The following CTDSPL variants were observed in gnomAD, a reference collection of about 807,000 sequenced individuals.
CTDSPL encodes CTD small phosphatase-like protein.
In CTDSPL, 8 loss-of-function variants were observed where a neutral mutation model predicts 30.5. The observed-to-expected ratio is 0.26, with a 90% CI of 0.15 to 0.47. CTDSPL has a LOEUF of 0.47. Ranked by LOEUF, CTDSPL falls within the 20% of genes least tolerant of loss-of-function variation. CTDSPL has a pLI of 0.99. For synonymous variants in CTDSPL, 110 were observed against 137.9 expected (o/e 0.80, Z 1.42); for missense variants, 248 against 366.1 (o/e 0.68, Z 2.63).
intron 1 of CTDSPL, among the ~76,000 whole-genome samples, chr3:37,874,653 C>G (rs903238591): frequency 5.3e-5 from 8 of 152,126 alleles, no homozygotes; most frequent in African/African-American, 1.9e-4. Context: ...TTGCTTGAAT[C>G]CGGAAGGCGG....
intron 1 of CTDSPL, among the ~76,000 whole-genome samples, chr3:37,873,384 A>G (rs1698099244): frequency 2.0e-5 from 3 of 152,120 alleles, no homozygotes; most frequent in Admixed American, 1.3e-4. Context: ...TTCGTCTGCA[A>G]CTGTCGGTTT....
At chr3:37,969,282 C>T (rs879180226) in intron 5 of CTDSPL, 6 of 452,840 alleles carry the variant, frequency 1.3e-5, no homozygotes, top group Admixed American at 7.4e-5. Context: ...GGAGCTCCCC[C>T]ACCCTCCATC....
chr3:37,875,062 C>T (rs1402780121), intron 1 of CTDSPL, among the ~76,000 whole-genome samples: 2 of 152,124 alleles, frequency 1.3e-5, no homozygotes, highest in African/African-American at 4.8e-5. Context: ...GATGCATATT[C>T]AGTGCTTTAT....
chr3:37,958,289 C>T (rs1194243918), intron 3 of CTDSPL, among the ~76,000 whole-genome samples: 2 of 152,168 alleles, frequency 1.3e-5, no homozygotes, highest in African/African-American at 2.4e-5. Flanking sequence ...TGACTTTGCC[C>T]ATGTGCCTGA....
At chr3:37,962,641 T>C (rs1193309316) in intron 3 of CTDSPL, among the ~76,000 whole-genome samples, 4 of 152,214 alleles carry the variant, frequency 2.6e-5, no homozygotes, top group African/African-American at 4.8e-5. Flanking sequence ...TTTTCAGAGA[T>C]GCTAGGGTTA....
At chr3:37,951,884 G>A (rs1043534882) in intron 2 of CTDSPL, among the ~76,000 whole-genome samples, 11 of 152,092 alleles carry the variant, frequency 7.2e-5, no homozygotes, top group Non-Finnish European at 1.5e-4. Flanking sequence ...ATAAATAATA[G>A]TCATAAAACC....
chr3:37,900,999 G>T (rs1305533922), intron 1 of CTDSPL, among the ~76,000 whole-genome samples: 1 of 152,242 alleles, frequency 6.6e-6, no homozygotes, highest in South Asian at 2.1e-4. Flanking sequence ...GTTTCACCAT[G>T]TTGGCCAGGC....
chr3:37,863,080 T>G (rs964957365), intron 1 of CTDSPL, among the ~76,000 whole-genome samples: 2 of 152,110 alleles, frequency 1.3e-5, no homozygotes, highest in Non-Finnish European at 2.9e-5. Context: ...TGCTGGAGTC[T>G]GGGGGGGAGA....
At chr3:37,980,717 G>C (rs370137970) in intron 7 of CTDSPL, 25 bp from the exon 8 acceptor site, 1 of 1,613,680 alleles carries the variant, frequency 6.2e-7, no homozygotes, top group Non-Finnish European at 8.5e-7. Context: ...CAGTCCTGCT[G>C]CCTCCTCCAT....
At chr3:37,927,684 G>GTGTATATATATA (rs372845166) in intron 1 of CTDSPL, among the ~76,000 whole-genome samples, 82 of 117,766 alleles carry the variant, frequency 7.0e-4, no homozygotes, top group Middle Eastern at 4.7e-3. Flanking sequence ...GTGTGTATGT[G>GTGTATATATATA]TATATATATA....
At chr3:37,961,433 A>G (rs1699243915) in intron 3 of CTDSPL, among the ~76,000 whole-genome samples, 1 of 152,162 alleles carries the variant, frequency 6.6e-6, no homozygotes, top group Non-Finnish European at 1.5e-5. Context: ...AACGCCACTG[A>G]GGCTGTGTCC....
At chr3:37,870,255 A>G (rs1187808800) in intron 1 of CTDSPL, among the ~76,000 whole-genome samples, 1 of 152,058 alleles carries the variant, frequency 6.6e-6, no homozygotes, top group Non-Finnish European at 1.5e-5. Context: ...AGCTATTTAA[A>G]TTATCTCTTT....
At position 37,982,623 on chromosome 3, in the gene CTDSPL, G is replaced by A. The variant is rs747103604; in HGVS notation, c.*1756G>A. 2.2e-6 allele frequency: 1 copy of A among 456,746 alleles called. No individual in the cohort carries two copies. The highest frequency in any genetic ancestry group is 6.9e-5 in the East Asian group (1 of 14,400). The allele number at this position is 456,746 out of a possible 1,614,324, so 28.3% of individuals were successfully genotyped here. On this transcript the variant is annotated 3_prime_UTR_variant, in exon 8 of 8. Transcript: ENST00000273179. ...ACAGCACTTTGGTCTGTGGACTGCT[G>A]TGTGAATATTCAGAAGGGAAGTAAG...
At position 37,889,516 on chromosome 3, in the gene CTDSPL, C is replaced by A. The variant is rs541381430; in HGVS notation, c.79+27238C>A. Among the ~76,000 whole-genome samples the A allele has an allele frequency of 2.0e-5, 3 of 152,218 alleles. No homozygotes were observed. In the East Asian group the frequency reaches 5.8e-4, roughly 29 times the overall value. ...ACAACAAATAAAACTTTAAATGGCA[C>A]ATCCAGGAGGTTCAATATCTGGCTA... On this transcript the variant is annotated intron_variant, in intron 1 of 7. Transcript: ENST00000273179.
At chr3:37,888,917 A>G (rs904714665) in intron 1 of CTDSPL, among the ~76,000 whole-genome samples, 26 of 152,198 alleles carry the variant, frequency 1.7e-4, no homozygotes, top group African/African-American at 6.0e-4. Context: ...TTAGCCTACC[A>G]TTTTCCTTAG....
chr3:37,952,167 A>T (rs1044664512), intron 2 of CTDSPL, among the ~76,000 whole-genome samples: 2 of 152,234 alleles, frequency 1.3e-5, no homozygotes, highest in Admixed American at 1.3e-4. Context: ...CTAGAGCAAG[A>T]TCCTGTCTTG....
At chr3:37,963,372 T>G (rs1699264161) in intron 3 of CTDSPL, among the ~76,000 whole-genome samples, 1 of 152,208 alleles carries the variant, frequency 6.6e-6, no homozygotes, top group African/African-American at 2.4e-5. Context: ...AAAATTAACT[T>G]TTGATCACTG....
Position 37,982,726 on chromosome 3 carries a change from G to A in CTDSPL, c.*1859G>A. 1 of 443,998 alleles carries A rather than the reference G, an allele frequency of 2.3e-6. No individual in the cohort carries two copies. Among genetic ancestry groups the A allele is most frequent in the Non-Finnish European group, 4.6e-6 (1 of 217,804 alleles). The allele number at this position is 443,998 out of a possible 1,614,324, so 27.5% of individuals were successfully genotyped here. A position where few individuals can be genotyped will look rare whatever the true frequency, so the allele number is the denominator to read the frequency against. ...TCCACATGCCAATTCAAATAGAACA[G>A]CCCCTTGCTAGATATTACCACAGAT... On this transcript the variant is annotated 3_prime_UTR_variant, in exon 8 of 8. Transcript: ENST00000273179.
chr3:37,909,036 TAA>T (rs1698550861), intron 1 of CTDSPL, among the ~76,000 whole-genome samples: 1 of 152,240 alleles, frequency 6.6e-6, no homozygotes, highest in Non-Finnish European at 1.5e-5. Context: ...AAATTTTACA[TAA>T]AGTGTTTTTC....
Sources: allele counts gnomAD v4.1 joint callset (sites outside exome capture counted in the v4.1 genomes callset), GRCh38; gene constraint gnomAD v4.1.1; transcripts MANE v1.5; gene names NCBI Gene and HGNC (gene_info 2026-07-23, HGNC 2026-07-21).